The following PLXDC2 variants were observed in gnomAD, a reference collection of about 807,000 sequenced individuals.
PLXDC2 encodes the protein plexin domain containing 2.
A neutral mutation model predicts 68.9 loss-of-function variants in PLXDC2; 40 were observed. The observed-to-expected ratio is 0.58, with a 90% CI of 0.45 to 0.76. PLXDC2 has a LOEUF of 0.76. Among genes scored for constraint, PLXDC2 ranks in the 30% least tolerant of loss-of-function variants. PLXDC2 has a pLI of 0.00. For synonymous variants in PLXDC2, 243 were observed against 234.2 expected (o/e 1.04, Z -0.34); for missense variants, 644 against 661.9 (o/e 0.97, Z 0.30).
chr10:20,077,084 A>G (rs1242926531), intron 4 of PLXDC2, among the ~76,000 whole-genome samples: 1 of 150,876 alleles, frequency 6.6e-6, no homozygotes, highest in African/African-American at 2.5e-5. Context: ...CAAGTCATCA[A>G]AGCATAAAGA....
At chr10:20,027,637 A>G (rs1229502995) in intron 2 of PLXDC2, among the ~76,000 whole-genome samples, 1 of 151,038 alleles carries the variant, frequency 6.6e-6, no homozygotes, top group Non-Finnish European at 1.5e-5. Flanking sequence ...CAGCTTGTCC[A>G]TTGCACTTTT....
chr10:20,244,403 C>T (rs1835560786), intron 12 of PLXDC2, among the ~76,000 whole-genome samples: 2 of 152,188 alleles, frequency 1.3e-5, no homozygotes, highest in Non-Finnish European at 2.9e-5. Flanking sequence ...CAGTGGAAAG[C>T]ATCTCAGTAA....
At chr10:19,942,166 A>G (rs1336565412) in intron 1 of PLXDC2, among the ~76,000 whole-genome samples, 1 of 152,198 alleles carries the variant, frequency 6.6e-6, no homozygotes, top group Non-Finnish European at 1.5e-5. Context: ...TCCAAAGACC[A>G]CAGTAAGATT....
At chr10:20,200,456 A>T (rs1245821205) in intron 9 of PLXDC2, among the ~76,000 whole-genome samples, 1 of 152,102 alleles carries the variant, frequency 6.6e-6, no homozygotes, top group Non-Finnish European at 1.5e-5. Context: ...TAGCTTGAAT[A>T]AATCTGCATA....
In PLXDC2 at chr10:20,277,208, CAAAAAAAAAAAAAAAAA is replaced by C. The variant is rs60978653; in HGVS notation, c.1474-2485_1474-2469del. On this transcript the variant is annotated intron_variant, in intron 13 of 13. Transcript: ENST00000377252. ...TGGGTGACAGAGCGAGATTCCATCT[CAAAAAAAAAAAAAAAAA>C]AAAAAAAAAGAGTCCCATTCTTTTC... is the stretch of plus-strand genomic sequence containing the variant. Among the ~76,000 whole-genome samples, 4 of 67,952 alleles carry C rather than the reference CAAAAAAAAAAAAAAAAA, an allele frequency of 5.9e-5. No individual in the cohort carries two copies. The East Asian group carries it at 2.6e-3, about 44-fold the overall frequency. The allele number at this position is 67,952 out of a possible 152,430, so 44.6% of individuals were successfully genotyped here.
At chr10:19,957,509 T>A (rs1034108022) in intron 1 of PLXDC2, among the ~76,000 whole-genome samples, 2 of 152,154 alleles carry the variant, frequency 1.3e-5, no homozygotes, top group African/African-American at 4.8e-5. Context: ...TTTAACTTAA[T>A]AATACGCTGG....
intron 4 of PLXDC2, among the ~76,000 whole-genome samples, chr10:20,082,065 A>AAAAAAAAAAAAC: frequency 4.3e-5 from 2 of 46,820 alleles, no homozygotes. Flanking sequence ...AAAAAAAATC[A>AAAAAAAAAAAAC]AAAAAAAAAA....
intron 1 of PLXDC2, among the ~76,000 whole-genome samples, chr10:19,876,099 A>T (rs765685716): frequency 3.1e-4 from 47 of 152,044 alleles, no homozygotes; most frequent in Non-Finnish European, 1.6e-4. Flanking sequence ...ATCCTTCCCC[A>T]TTTCTTATTT....
At chr10:19,878,705 A>G (rs2131348786) in intron 1 of PLXDC2, among the ~76,000 whole-genome samples, 1 of 152,308 alleles carries the variant, frequency 6.6e-6, no homozygotes, top group South Asian at 2.1e-4. Flanking sequence ...TGCATTGCAT[A>G]GTTTTCACAA....
At chr10:19,891,834 A>G (rs1318361323) in intron 1 of PLXDC2, among the ~76,000 whole-genome samples, 1 of 152,252 alleles carries the variant, frequency 6.6e-6, no homozygotes, top group African/African-American at 2.4e-5. Flanking sequence ...CCAAAGCCAA[A>G]TAATATTACA....
At chr10:19,903,856 A>G (rs1460209561) in intron 1 of PLXDC2, among the ~76,000 whole-genome samples, 2 of 151,914 alleles carry the variant, frequency 1.3e-5, no homozygotes, top group African/African-American at 2.4e-5. Flanking sequence ...CTTTTTCTGT[A>G]TCTCAGAGGT....
In PLXDC2 at chr10:20,147,791, A is replaced by G; in HGVS notation, c.672A>G (p.Ala224=). Residue 224 remains alanine (A), a synonymous_variant, in exon 6 of 14, where the codon GCA becomes GCG. Transcript: ENST00000377252. ...TTTTCAATGGGTGTATAGGCACAGC[A>G]CTTGTGGTCCAGTGGGACCATGTAC... ...STVRYFDNGT[A]LVVQWDHVHL... 2 of 1,598,418 alleles carry G rather than the reference A, an allele frequency of 1.3e-6. No individual in the cohort carries two copies. Among genetic ancestry groups the G allele is most frequent in the Non-Finnish European group, 1.7e-6 (2 of 1,165,938 alleles).
At position 20,256,666 on chromosome 10, in the gene PLXDC2, C is replaced by CT. The variant is rs1289731862; in HGVS notation, c.1473+11172dup. Among the ~76,000 whole-genome samples, 600 of 146,156 alleles carry CT rather than the reference C, an allele frequency of 4.1e-3. 7 individuals are homozygous for CT. Among genetic ancestry groups the CT allele is most frequent in the African/African-American group, 0.013 (517 of 39,992 alleles). On this transcript the variant is annotated intron_variant, in intron 13 of 13. Transcript: ENST00000377252. The stretch of plus-strand genomic sequence containing the variant: ...TTAATGTTGGAATTTATGTTATTTC[C>CT]TTTTTTTTTTTCTCAGTTTTTCCCT...
In PLXDC2 at chr10:20,189,216, A is replaced by AT. The variant is rs1191008086; in HGVS notation, c.1061+11811dup. Among the ~76,000 whole-genome samples the AT allele has an allele frequency of 7.3e-5, 11 of 151,282 alleles. No individual in the cohort carries two copies. In the East Asian group the frequency reaches 2.1e-3, roughly 29 times the overall value. ...TAATAATACAGTGAGGTATGATGTT[A>AT]TTTTATCCATAACATAAAAGCATTT... On this transcript the variant is annotated intron_variant, in intron 9 of 13. Transcript: ENST00000377252.
chr10:20,166,935 T>G (rs755074130), intron 7 of PLXDC2, among the ~76,000 whole-genome samples: 1 of 152,188 alleles, frequency 6.6e-6, no homozygotes, highest in Non-Finnish European at 1.5e-5. Context: ...ATATGAATTT[T>G]CAGACCAGAT....
intron 1 of PLXDC2, among the ~76,000 whole-genome samples, chr10:19,906,990 AT>A (rs1193383522): frequency 3.3e-5 from 5 of 151,676 alleles, no homozygotes; most frequent in South Asian, 2.1e-4. Flanking sequence ...TTTCTTTTCT[AT>A]TTTTTTTCCC....
At chr10:19,974,990 A>T (rs1834424136) in intron 1 of PLXDC2, among the ~76,000 whole-genome samples, 1 of 152,208 alleles carries the variant, frequency 6.6e-6, no homozygotes, top group Non-Finnish European at 1.5e-5. Flanking sequence ...TCATATGAAC[A>T]CATAGTTTAA....
intron 1 of PLXDC2, among the ~76,000 whole-genome samples, chr10:19,981,411 C>T (rs1250594394): frequency 6.6e-6 from 1 of 152,184 alleles, no homozygotes; most frequent in African/African-American, 2.4e-5. Context: ...GTTTGTTGTA[C>T]ATGCTTTTGT....
chr10:19,975,935 G>C (rs1834446617), intron 1 of PLXDC2, among the ~76,000 whole-genome samples: 1 of 151,752 alleles, frequency 6.6e-6, no homozygotes, highest in African/African-American at 2.4e-5. Flanking sequence ...ACCTGGGAGG[G>C]GGAGATTGTA....
Sources: gnomAD v4.1 joint callset for allele counts (sites outside exome capture counted in the v4.1 genomes callset) on GRCh38, gnomAD v4.1.1 for gene constraint, MANE v1.5 for transcripts, NCBI Gene and HGNC (gene_info 2026-07-23, HGNC 2026-07-21) for gene names.